Variants in PCDHGA9 observed in about 807,000 individuals in gnomAD.
PCDHGA9 encodes the protein protocadherin gamma-A9.
Under a neutral mutation model 62.5 loss-of-function variants are expected in PCDHGA9, and 37 were observed. That is an observed-to-expected ratio of 0.59 (90% confidence interval 0.46 to 0.78). The LOEUF (loss-of-function observed/expected upper bound fraction) is 0.78, where lower values mean the gene tolerates loss of function less well. Among genes scored for constraint, PCDHGA9 ranks in the 30% least tolerant of loss-of-function variants. The probability of loss-of-function intolerance (pLI) is 0.00; values close to 1 mark genes in which losing one functional copy is unlikely to be tolerated. For missense variants in PCDHGA9, 1,138 were observed against 1,166.2 expected (o/e 0.98, Z 0.35); for synonymous variants, 459 against 484.6 (o/e 0.95, Z 0.69).
Position 141,431,046 on chromosome 5 carries a change from G to A in PCDHGA9, c.2424+25670G>A, listed in dbSNP as rs1324139757. 7 of 1,614,240 alleles carry A rather than the reference G, an allele frequency of 4.3e-6. 1 individual carries two copies. The Admixed American group carries it at 1.0e-4, about 23-fold the overall frequency. ...GGCAGGATAGACCGGGAGGAGCTCTGTATGGGGGCCATCAAGTGTCAATTA... is the reference window on the plus strand; with the variant it reads ...GGCAGGATAGACCGGGAGGAGCTCTATATGGGGGCCATCAAGTGTCAATTA... On this transcript the variant is annotated intron_variant, in intron 1 of 3. Transcript: ENST00000573521. The surrounding 1 kb of genome is among the most constrained non-coding windows in gnomAD (Gnocchi z 4.8).
chr5:141,402,788 C>A lies in PCDHGA9; in HGVS notation c.-165C>A. 1.1e-6 allele frequency: 1 copy of A among 937,148 alleles called. No individual in the cohort carries two copies. Among genetic ancestry groups the A allele is most frequent in the Non-Finnish European group, 1.5e-6 (1 of 659,800 alleles). 58.1% of individuals were successfully genotyped at this position (937,148 alleles called of 1,614,324 possible). On this transcript the variant is annotated 5_prime_UTR_variant, in exon 1 of 4. Coordinates refer to ENST00000573521, the MANE Select transcript of PCDHGA9 (RefSeq NM_018921.3). ...TCCATCCGGATTTCCAGTTCTGCGG[C>A]TACACAAAACCCGGCAGATACCACA... is the stretch of plus-strand genomic sequence containing the variant.
chr5:141,511,733 T>C lies in PCDHGA9; in HGVS notation c.*560T>C, dbSNP rs1032711521. 9 of 177,040 alleles carry C rather than the reference T, an allele frequency of 5.1e-5. No individual in the cohort carries two copies. The highest frequency in any genetic ancestry group is 8.7e-5 in the Non-Finnish European group (7 of 80,868). The allele number at this position is 177,040 out of a possible 1,614,324, so 11.0% of individuals were successfully genotyped here. ...TCCTTCCAGAGCCCAAGATCAATGC[T>C]CAAGTTTTGGAGGACATGATCACCA... On this transcript the variant is annotated 3_prime_UTR_variant, in exon 4 of 4. Transcript: ENST00000573521.
At chr5:141,484,660 T>G in intron 1 of PCDHGA9, among the ~76,000 whole-genome samples, 1 of 151,976 alleles carries the variant, frequency 6.6e-6, no homozygotes, top group Non-Finnish European at 1.5e-5. Flanking sequence ...ACTCTCCCTC[T>G]CAGTGGGCCG....
intron 1 of PCDHGA9, among the ~76,000 whole-genome samples, chr5:141,443,537 T>C (rs986467958): frequency 6.6e-6 from 1 of 152,180 alleles, no homozygotes; most frequent in African/African-American, 2.4e-5. Flanking sequence ...ATTTAAAGCT[T>C]GGGAAATTGT....
intron 1 of PCDHGA9, among the ~76,000 whole-genome samples, chr5:141,467,414 C>A (rs1410743140): frequency 6.6e-5 from 10 of 152,168 alleles, no homozygotes; most frequent in African/African-American, 1.2e-4. Flanking sequence ...CCTTTCCCCA[C>A]ACCTAGGTTA....
chr5:141,419,220 A>G (rs2096345873), intron 1 of PCDHGA9: 1 of 1,613,966 alleles, frequency 6.2e-7, no homozygotes, highest in Non-Finnish European at 8.5e-7. Context: ...GTTTTCGGAC[A>G]GTCAGCCTAC....
At position 141,487,635 on chromosome 5, in the gene PCDHGA9, A is replaced by C. The variant is rs1594699829; in HGVS notation, c.2425-7172A>C. 1.2e-6 allele frequency: 2 copies of C among 1,614,204 alleles called. No individual in the cohort carries two copies. Among genetic ancestry groups the C allele is most frequent in the Non-Finnish European group, 1.7e-6 (2 of 1,180,034 alleles). On this transcript the variant is annotated intron_variant, in intron 1 of 3. Transcript: ENST00000573521. The surrounding 1 kb of genome is among the most constrained non-coding windows in gnomAD (Gnocchi z 5.0). Reference sequence around the variant, plus strand: ...CTAGAGGTGAGACCTTTGCAGGCTCAACAAATGCTTGAGGGTTATTCTGAT... The same window carrying C: ...CTAGAGGTGAGACCTTTGCAGGCTCCACAAATGCTTGAGGGTTATTCTGAT...
chr5:141,414,690 G>A (rs377704657), intron 1 of PCDHGA9: 53 of 1,613,888 alleles, frequency 3.3e-5, no homozygotes, highest in Middle Eastern at 1.6e-4. Flanking sequence ...GGGTACCTCT[G>A]TCCTCATACA....
rs541533867 is a variant in PCDHGA9 at position 141,415,164 on chromosome 5, G to T, written c.2424+9788G>T. 6.8e-6 allele frequency: 11 copies of T among 1,613,838 alleles called. No individual in the cohort carries two copies. The African/African-American group carries it at 1.3e-4, about 20-fold the overall frequency. Reference sequence around the variant, plus strand: ...AGCCCCCTCTCTCCGCCACTGTCACGCTCACCGTGGCCGTGGCCGACAGCA... The same window carrying T: ...AGCCCCCTCTCTCCGCCACTGTCACTCTCACCGTGGCCGTGGCCGACAGCA... On this transcript the variant is annotated intron_variant, in intron 1 of 3. Transcript: ENST00000573521.
intron 1 of PCDHGA9, chr5:141,422,463 C>G (rs1461108652): frequency 6.2e-7 from 1 of 1,613,472 alleles, no homozygotes; most frequent in Non-Finnish European, 8.5e-7. Flanking sequence ...GAGTGCTGGA[C>G]AGGGAGTTGG....
At chr5:141,409,436 C>G (rs368696166) in intron 1 of PCDHGA9, 2 of 1,613,982 alleles carry the variant, frequency 1.2e-6, no homozygotes, top group Non-Finnish European at 1.7e-6. Flanking sequence ...AGCCCTGGAC[C>G]GAGAGCAGAC....
chr5:141,457,054 T>C (rs1410535170), intron 1 of PCDHGA9, among the ~76,000 whole-genome samples: 1 of 152,242 alleles, frequency 6.6e-6, no homozygotes, highest in Non-Finnish European at 1.5e-5. Context: ...ACTTTCATGC[T>C]TCCTTTTTGC....
intron 1 of PCDHGA9, among the ~76,000 whole-genome samples, chr5:141,492,118 TC>T (rs1338861093): frequency 6.6e-6 from 1 of 152,176 alleles, no homozygotes; most frequent in Non-Finnish European, 1.5e-5. Flanking sequence ...CTTCGATTTC[TC>T]CCCAGCTCCC....
rs949391796 is a variant in PCDHGA9 at position 141,493,050 on chromosome 5, A to G, written c.2425-1757A>G. 6.6e-6 allele frequency among the ~76,000 whole-genome samples: 1 copy of G among 152,262 alleles called. No homozygotes were observed. The highest frequency in any genetic ancestry group is 2.4e-5 in the African/African-American group (1 of 41,464). On this transcript the variant is annotated intron_variant, in intron 1 of 3. Coordinates refer to ENST00000573521, the MANE Select transcript of PCDHGA9 (RefSeq NM_018921.3). The surrounding 1 kb of genome is among the most constrained non-coding windows in gnomAD (Gnocchi z 4.3). Reference sequence around the variant, plus strand: ...CCCTTATGTGTGAGGAAACTACAATAGTAAAAAACACAAGTTTCTCCAACT... The same window carrying G: ...CCCTTATGTGTGAGGAAACTACAATGGTAAAAAACACAAGTTTCTCCAACT...
intron 2 of PCDHGA9, 99 bp downstream of exon 2, chr5:141,494,964 G>A (rs2099757882): frequency 1.3e-6 from 2 of 1,594,380 alleles, no homozygotes; most frequent in Non-Finnish European, 8.5e-7. Context: ...GCTACAGATG[G>A]CTTCTCCCTC....
Position 141,444,149 on chromosome 5 carries a change from T to C in PCDHGA9, c.2424+38773T>C, listed in dbSNP as rs180678850. On this transcript the variant is annotated intron_variant, in intron 1 of 3. Transcript: ENST00000573521. ...ACAGATATGTGTCACTTGTGTGTAC[T>C]GGATTTTTTTTTTTTTTTTTTTTTT... Among the ~76,000 whole-genome samples, 383 of 136,820 alleles carry C rather than the reference T, an allele frequency of 2.8e-3. 2 individuals carry two copies. Among genetic ancestry groups the C allele is most frequent in the Middle Eastern group, 0.012 (3 of 252 alleles). 89.8% of individuals were successfully genotyped at this position (136,820 alleles called of 152,430 possible). A position where few individuals can be genotyped will look rare whatever the true frequency, so the allele number is the denominator to read the frequency against.
In PCDHGA9 at chr5:141,477,967, C is replaced by T. The variant is rs756216038; in HGVS notation, c.2425-16840C>T. Reference sequence around the variant, plus strand: ...GTCTCTTGGGATCCCCTAACCAGAGCCTTTTTGCCATAGGGCTGCACACTG... The same window carrying T: ...GTCTCTTGGGATCCCCTAACCAGAGTCTTTTTGCCATAGGGCTGCACACTG... On this transcript the variant is annotated intron_variant, in intron 1 of 3. Coordinates refer to ENST00000573521, the MANE Select transcript of PCDHGA9 (RefSeq NM_018921.3). This position sits in a 1 kb window ranked among gnomAD's most constrained non-coding sequence, Gnocchi z 4.9. The T allele has an allele frequency of 8.7e-6, 14 of 1,614,032 alleles. No individual in the cohort carries two copies. In the South Asian group the frequency reaches 1.2e-4, roughly 14 times the overall value.
chr5:141,454,796 A>ATTTTTCT (rs2098799790), intron 1 of PCDHGA9, among the ~76,000 whole-genome samples: 1 of 77,408 alleles, frequency 1.3e-5, no homozygotes, highest in African/African-American at 5.9e-5. Context: ...CATGGTTCTA[A>ATTTTTCT]TTTTTTTTTT....
rs753372015 is a variant in PCDHGA9 at position 141,422,180 on chromosome 5, T to C, written c.2424+16804T>C. The stretch of plus-strand genomic sequence containing the variant: ...TTTGAAAAATATAGATTCTATGAGA[T>C]GGAAATTCAAGGCCAAGATGGTGGA... On this transcript the variant is annotated intron_variant, in intron 1 of 3. Coordinates refer to ENST00000573521, the MANE Select transcript of PCDHGA9 (RefSeq NM_018921.3). 1.1e-5 allele frequency: 17 copies of C among 1,562,190 alleles called. No homozygotes were observed. In the African/African-American group the frequency reaches 1.9e-4, roughly 18 times the overall value.
Sources: allele counts gnomAD v4.1 joint callset (sites outside exome capture counted in the v4.1 genomes callset), GRCh38; gene constraint gnomAD v4.1.1; non-coding constraint Gnocchi (gnomAD v3.1); transcripts MANE v1.5; gene names NCBI Gene and HGNC (gene_info 2026-07-23, HGNC 2026-07-21).